PFKM: variants seen among roughly 807,000 people sequenced by gnomAD.
PFKM encodes the protein phosphofructokinase, muscle.
PFKM carries 58 observed loss-of-function variants against 95.5 expected under a neutral mutation model. That is an observed-to-expected ratio of 0.61 (90% confidence interval 0.49 to 0.76). PFKM has a LOEUF of 0.76. Ranked by LOEUF, PFKM falls within the 30% of genes least tolerant of loss-of-function variation. The pLI is 0.00. For synonymous variants in PFKM, 336 were observed against 357.2 expected (o/e 0.94, Z 0.67); for missense variants, 678 against 1,005.4 (o/e 0.67, Z 4.40).
chr12:48,107,326 G>T (rs761808222), intron 1 of PFKM: 1 of 1,306,714 alleles, frequency 7.7e-7, no homozygotes, highest in African/African-American at 1.4e-5. Context: ...TTATTTCACA[G>T]CTCTGTTCGT....
intron 3 of PFKM, among the ~76,000 whole-genome samples, chr12:48,114,074 G>A (rs955753101): frequency 2.0e-5 from 3 of 152,136 alleles, no homozygotes; most frequent in Non-Finnish European, 4.4e-5. Context: ...GGAATCGGCC[G>A]GATAGTTCCA....
In PFKM at chr12:48,145,793, G is replaced by GTT; in HGVS notation, c.*91_*92dup. ...TCCACATCTTCTCAGTGTTTTAGCT[G>GTT]TTTTTTTCATTAGGTTTCCTTTTAT... On this transcript the variant is annotated 3_prime_UTR_variant, in exon 23 of 23. Transcript: ENST00000359794. The surrounding 1 kb of genome is among the most constrained non-coding windows in gnomAD (Gnocchi z 4.3). 1 of 1,455,658 alleles carries GTT rather than the reference G, an allele frequency of 6.9e-7. No individual in the cohort carries two copies. The highest frequency in any genetic ancestry group is 1.1e-5 in the South Asian group (1 of 87,248). The allele number at this position is 1,455,658 out of a possible 1,614,324, so 90.2% of individuals were successfully genotyped here.
chr12:48,122,746 G>A, intron 1 of PFKM, 21 bp from the exon 2 acceptor site: 1 of 1,613,682 alleles, frequency 6.2e-7, no homozygotes, highest in Non-Finnish European at 8.5e-7. Flanking sequence ...TGTCTTAACT[G>A]ACCATTGTCT....
At chr12:48,129,748 T>C (rs1054320077) in intron 2 of PFKM, among the ~76,000 whole-genome samples, 1 of 152,220 alleles carries the variant, frequency 6.6e-6, no homozygotes, top group African/African-American at 2.4e-5. Context: ...TATAGAGTCA[T>C]GTCTTTGTCC....
chr12:48,144,307 C>CT (rs1156255924), intron 20 of PFKM, 150 bp downstream of exon 20: 3 of 705,064 alleles, frequency 4.3e-6, no homozygotes, highest in Non-Finnish European at 7.7e-6. Context: ...CCTGCAGTCT[C>CT]TTACAGTCAT....
chr12:48,141,709 C>G, intron 15 of PFKM, 31 bp from the exon 16 acceptor site: 1 of 1,506,684 alleles, frequency 6.6e-7, no homozygotes, highest in South Asian at 1.1e-5. Context: ...TCCAATTCCC[C>G]TTCCCCTCCC....
Position 48,139,267 on chromosome 12 carries a change from G to T in PFKM, c.1063-18G>T, listed in dbSNP as rs531023136. 6.2e-7 allele frequency: 1 copy of T among 1,607,988 alleles called. No homozygotes were observed. Among genetic ancestry groups the T allele is most frequent in the South Asian group, 1.1e-5 (1 of 90,908 alleles). On this transcript the variant is annotated intron_variant, in intron 11 of 22. Transcript: ENST00000359794. Reference sequence around the variant, plus strand: ...TCCTGACCCTGGAGTTGAAACTGTCGCTGTGCTCCCCCCTCAGACCAAAGA... The same window carrying T: ...TCCTGACCCTGGAGTTGAAACTGTCTCTGTGCTCCCCCCTCAGACCAAAGA...
chr12:48,133,276 G>A lies in PFKM; in HGVS notation c.428-39G>A, dbSNP rs2269933. The A allele has an allele frequency of 0.3, 468,020 of 1,579,568 alleles. 71,599 individuals carry two copies. The highest frequency in any genetic ancestry group is 0.32 in the Non-Finnish European group (363,797 of 1,148,642). ...TATCTCCTCTTTAGGCATGCCAGGTGCCTCACCCAGTGGCTCCTGGTTTGC... is the reference window on the plus strand; with the variant it reads ...TATCTCCTCTTTAGGCATGCCAGGTACCTCACCCAGTGGCTCCTGGTTTGC... On this transcript the variant is annotated intron_variant, in intron 5 of 22. Transcript: ENST00000359794.
chr12:48,106,651 T>A (rs1266927343), intron 1 of PFKM: 1 of 163,366 alleles, frequency 6.1e-6, no homozygotes, highest in Non-Finnish European at 1.4e-5. Context: ...AACAAGTTTC[T>A]TAACTTGCAA....
chr12:48,135,407 C>T (rs780902368), intron 10 of PFKM, 24 bp downstream of exon 10: 4 of 1,556,834 alleles, frequency 2.6e-6, no homozygotes, highest in South Asian at 2.2e-5. Flanking sequence ...CTGTGTGGCC[C>T]TCATGCCTTG....
intron 3 of PFKM, among the ~76,000 whole-genome samples, chr12:48,108,859 A>G (rs1017555914): frequency 3.9e-5 from 6 of 152,216 alleles, no homozygotes; most frequent in Non-Finnish European, 8.8e-5. Flanking sequence ...CCATTGCCCC[A>G]ATAGCTTACA....
rs556828461 is a variant in PFKM, at chr12:48,142,922, G to C, written c.1794G>C (p.Glu598Asp). The C allele has an allele frequency of 1.2e-6, 2 of 1,614,016 alleles. No homozygotes were observed. The highest frequency in any genetic ancestry group is 3.3e-5 in the Admixed American group (2 of 60,020). ...CCGATGCTGCCTACATTTTTGAGGA[G>C]CCCTTCACCATTCGAGACCTGCAGG... ...AGADAAYIFEEPFTIRDLQAN... is the reference protein window; with the variant it reads ...AGADAAYIFEDPFTIRDLQAN... Residue 598 changes from glutamate to aspartate, a missense_variant, in exon 18 of 23, where the codon GAG becomes GAC. By Grantham distance (45) the Glu-to-Asp change is conservative. Coordinates refer to ENST00000359794, the MANE Select transcript of PFKM (RefSeq NM_000289.6).
In PFKM at chr12:48,144,926, G is replaced by A. The variant is rs925741604; in HGVS notation, c.1993-105G>A. 5 of 825,072 alleles carry A rather than the reference G, an allele frequency of 6.1e-6. No individual in the cohort carries two copies. In the East Asian group the frequency reaches 1.0e-4, roughly 17 times the overall value. 51.1% of individuals were successfully genotyped at this position (825,072 alleles called of 1,614,324 possible). On this transcript the variant is annotated intron_variant, in intron 20 of 22. Coordinates refer to ENST00000359794, the MANE Select transcript of PFKM (RefSeq NM_000289.6). Reference sequence around the variant, plus strand: ...TTTGACTTCTGGATTCCTGTTTTGGGCTGTAAGCCTGGGGCCCATCTTTCT... The same window carrying A: ...TTTGACTTCTGGATTCCTGTTTTGGACTGTAAGCCTGGGGCCCATCTTTCT...
At chr12:48,128,632 C>CA (rs1205274223) in intron 2 of PFKM, among the ~76,000 whole-genome samples, 2 of 151,180 alleles carry the variant, frequency 1.3e-5, no homozygotes, top group Non-Finnish European at 3.0e-5. Context: ...TACCAACCTG[C>CA]AAAAAAAAGA....
chr12:48,114,848 T>C (rs1284791611), upstream of PFKM, among the ~76,000 whole-genome samples: 1 of 152,158 alleles, frequency 6.6e-6, no homozygotes, highest in Non-Finnish European at 1.5e-5. Context: ...TTGTCGAGTT[T>C]GTATTGGTGC....
At chr12:48,130,311 C>A in intron 2 of PFKM, 52 bp from the exon 3 acceptor site, 1 of 1,136,054 alleles carries the variant, frequency 8.8e-7, no homozygotes, top group South Asian at 1.2e-5. Flanking sequence ...GATTCCAGGG[C>A]GCCTTTTCTT....
rs58974268 is a variant in PFKM, at chr12:48,143,175, CCCT to C, written c.1818+230_1818+232del. On this transcript the variant is annotated intron_variant, in intron 18 of 22. Transcript: ENST00000359794. Reference sequence around the variant, plus strand: ...TTGAGTCAGGCGACCTGGTGCTAAGCCCTTTATGGGCATTTTTGCATTTTATCT... The same window carrying C: ...TTGAGTCAGGCGACCTGGTGCTAAGCTTATGGGCATTTTTGCATTTTATCT... 1.0e-3 allele frequency among the ~76,000 whole-genome samples: 157 copies of C among 152,310 alleles called. 1 individual carries two copies. Among genetic ancestry groups the C allele is most frequent in the African/African-American group, 3.6e-3 (151 of 41,564 alleles).
chr12:48,141,415 C>T lies in PFKM; in HGVS notation c.1412+34C>T, dbSNP rs142066588. On this transcript the variant is annotated intron_variant, in intron 15 of 22. Transcript: ENST00000359794. ...CACTGCAGAGGCACCTCCTCCCAGT[C>T]ACCTCTTAAAGTTGCCCTTGGATGT... is the stretch of plus-strand genomic sequence containing the variant. 1.2e-3 allele frequency: 1,956 copies of T among 1,582,888 alleles called. 3 individuals are homozygous for T. Among genetic ancestry groups the T allele is most frequent in the Non-Finnish European group, 1.6e-3 (1,829 of 1,151,450 alleles).
At chr12:48,141,087 C>A (rs929694109) in intron 14 of PFKM, among the ~76,000 whole-genome samples, 1 of 152,166 alleles carries the variant, frequency 6.6e-6, no homozygotes, top group African/African-American at 2.4e-5. Context: ...AATTCTCTGT[C>A]CCAAAGCTCA....
Sources: gnomAD v4.1 joint callset for allele counts (sites outside exome capture counted in the v4.1 genomes callset) on GRCh38, gnomAD v4.1.1 for gene constraint, Gnocchi (gnomAD v3.1) non-coding constraint, MANE v1.5 for transcripts, NCBI Gene and HGNC (gene_info 2026-07-23, HGNC 2026-07-21) for gene names.